The following CELSR1 variants were observed in gnomAD, a reference collection of about 807,000 sequenced individuals.
CELSR1 encodes adhesion G protein-coupled receptor C1.
Under a neutral mutation model 249.1 loss-of-function variants are expected in CELSR1, and 110 were observed. That is an observed-to-expected ratio of 0.44 (90% CI 0.38 to 0.52). The LOEUF is 0.52. CELSR1 is among the 20% of genes least tolerant of loss of function. The pLI is 0.00. For synonymous variants in CELSR1, 2,113 were observed against 1,900.0 expected (o/e 1.11, Z -2.92); for missense variants, 4,109 against 4,296.4 (o/e 0.96, Z 1.22).
At position 46,436,330 on chromosome 22, in the gene CELSR1, CA is replaced by C; in HGVS notation, c.4407-42del. The C allele has an allele frequency of 6.5e-7, 1 of 1,528,888 alleles. No homozygotes were observed. Among genetic ancestry groups the C allele is most frequent in the Non-Finnish European group, 9.1e-7 (1 of 1,104,620 alleles). The allele number at this position is 1,528,888 out of a possible 1,614,324, so 94.7% of individuals were successfully genotyped here. On this transcript the variant is annotated intron_variant, in intron 3 of 34. Transcript: ENST00000674500. The surrounding 1 kb of genome is among the most constrained non-coding windows in gnomAD (Gnocchi z 5.9). ...GAGGCACATCACAGGATGAAGACCC[CA>C]GGGTCCAAAGGCTGCCTAGGAATGA...
rs57411071 is a variant in CELSR1, at chr22:46,467,507, T to TTA, written c.3545-3164_3545-3163dup. ...GCTGCTTTACTTATGCACGAACATGTTATATATATATATATATAGAAAACT... is the reference window on the plus strand; with the variant it reads ...GCTGCTTTACTTATGCACGAACATGTTATATATATATATATATATAGAAAACT... On this transcript the variant is annotated intron_variant, in intron 1 of 34. Coordinates refer to ENST00000674500, the MANE Select transcript of CELSR1 (RefSeq NM_001378328.1). Among the ~76,000 whole-genome samples the TTA allele has an allele frequency of 9.2e-3, 1,375 of 150,134 alleles. 10 individuals carry two copies. Among genetic ancestry groups the TTA allele is most frequent in the Middle Eastern group, 0.028 (8 of 290 alleles).
At position 46,526,312 on chromosome 22, in the gene CELSR1, CCT is replaced by C. The variant is rs1289951187; in HGVS notation, c.3544+7313_3544+7314del. 1.3e-5 allele frequency among the ~76,000 whole-genome samples: 2 copies of C among 152,204 alleles called. No individual in the cohort carries two copies. The highest frequency in any genetic ancestry group is 4.8e-5 in the African/African-American group (2 of 41,450). On this transcript the variant is annotated intron_variant, in intron 1 of 34. Coordinates refer to ENST00000674500, the MANE Select transcript of CELSR1 (RefSeq NM_001378328.1). This position sits in a 1 kb window ranked among gnomAD's most constrained non-coding sequence, Gnocchi z 4.7. ...CCTGACACTGCCCACTCCCAAAGCC[CCT>C]GAGACGGGCCAGTGCCACGCTAGGC...
At chr22:46,485,502 G>A (rs1048225684) in intron 1 of CELSR1, among the ~76,000 whole-genome samples, 5 of 152,238 alleles carry the variant, frequency 3.3e-5, no homozygotes, top group Non-Finnish European at 4.4e-5. Flanking sequence ...GCTGCATGCG[G>A]GGCCGCCAGG....
In CELSR1 at chr22:46,402,199, C is replaced by T. The variant is rs1414315672; in HGVS notation, c.5227-2297G>A. Among the ~76,000 whole-genome samples the T allele has an allele frequency of 2.6e-5, 4 of 152,018 alleles. No individual in the cohort carries two copies. The highest frequency in any genetic ancestry group is 9.7e-5 in the African/African-American group (4 of 41,398). On this transcript the variant is annotated intron_variant, in intron 9 of 34. Coordinates refer to ENST00000674500, the MANE Select transcript of CELSR1 (RefSeq NM_001378328.1). This position sits in a 1 kb window ranked among gnomAD's most constrained non-coding sequence, Gnocchi z 5.0. ...GAAGATAATGACATCCCCATCATCCCCATTCTAGTTTCTCTTTTTCTTTTT... is the reference window on the plus strand; with the variant it reads ...GAAGATAATGACATCCCCATCATCCTCATTCTAGTTTCTCTTTTTCTTTTT...
At chr22:46,497,733 G>C (rs1017962227) in intron 1 of CELSR1, among the ~76,000 whole-genome samples, 30 of 152,122 alleles carry the variant, frequency 2.0e-4, no homozygotes, top group African/African-American at 7.2e-4. Flanking sequence ...GGGGGACACT[G>C]TTCAACCTAC....
chr22:46,458,238 G>C (rs532395314), intron 2 of CELSR1, among the ~76,000 whole-genome samples: 1 of 152,144 alleles, frequency 6.6e-6, no homozygotes, highest in South Asian at 2.1e-4. Context: ...CTGGGGAGCC[G>C]GGGGTGAGGC....
rs2080587531 is a variant in CELSR1 at position 46,512,838 on chromosome 22, T to C, written c.3544+20789A>G. ...CAAGAACCAGGGGCCCCCCACCCTC[T>C]TGTTCCTTCCGGGTCCGGGCTTGTC... On this transcript the variant is annotated intron_variant, in intron 1 of 34. Transcript: ENST00000674500. The surrounding 1 kb of genome is among the most constrained non-coding windows in gnomAD (Gnocchi z 5.2). 6.6e-6 allele frequency among the ~76,000 whole-genome samples: 1 copy of C among 152,176 alleles called. No homozygotes were observed. The highest frequency in any genetic ancestry group is 2.1e-4 in the South Asian group (1 of 4,832).
chr22:46,503,861 G>A (rs1268196484), intron 1 of CELSR1, among the ~76,000 whole-genome samples: 1 of 132,480 alleles, frequency 7.5e-6, no homozygotes, highest in Non-Finnish European at 1.6e-5. Context: ...CAAGACCTCT[G>A]ATAAAAACTA....
chr22:46,389,422 A>G lies in CELSR1; in HGVS notation c.6423T>C (p.Ala2141=), dbSNP rs2147247038. The G allele has an allele frequency of 1.2e-6, 2 of 1,612,774 alleles. No homozygotes were observed. Among genetic ancestry groups the G allele is most frequent in the Non-Finnish European group, 1.7e-6 (2 of 1,179,984 alleles). ...ALQLVRALRS[A]TQHTGTLFGN... is the part of the protein sequence containing the mutation. ...CAAAGAGCGTGCCCGTGTGCTGTGTAGCACTGCGCAGCGCCCTCACCAGCT... is the reference window on the plus strand; with the variant it reads ...CAAAGAGCGTGCCCGTGTGCTGTGTGGCACTGCGCAGCGCCCTCACCAGCT... The change falls in exon 18 of 35, where the codon GCT becomes GCC. Residue 2141 remains alanine (A), a synonymous_variant. Coordinates refer to ENST00000674500, the MANE Select transcript of CELSR1 (RefSeq NM_001378328.1).
At chr22:46,494,841 G>T (rs1311805146) in intron 1 of CELSR1, among the ~76,000 whole-genome samples, 2 of 152,120 alleles carry the variant, frequency 1.3e-5, no homozygotes, top group Admixed American at 6.6e-5. Context: ...ATAGTGTTCT[G>T]CCCATCTTTC....
intron 1 of CELSR1, among the ~76,000 whole-genome samples, chr22:46,528,893 C>A (rs752853692): frequency 6.6e-6 from 1 of 151,214 alleles, no homozygotes; most frequent in Non-Finnish European, 1.5e-5. Context: ...CGCGCCACTG[C>A]ACTCCAGCCT....
In CELSR1 at chr22:46,517,750, G is replaced by A. The variant is rs1409118111; in HGVS notation, c.3544+15877C>T. On this transcript the variant is annotated intron_variant, in intron 1 of 34. Coordinates refer to ENST00000674500, the MANE Select transcript of CELSR1 (RefSeq NM_001378328.1). The surrounding 1 kb of genome is among the most constrained non-coding windows in gnomAD (Gnocchi z 5.4). Reference sequence around the variant, plus strand: ...TATGTGTTAGAATTTTCCATGCTTAGAAGCGAGGGCTGCATTGAAGAGGCG... The same window carrying A: ...TATGTGTTAGAATTTTCCATGCTTAAAAGCGAGGGCTGCATTGAAGAGGCG... 6.6e-6 allele frequency among the ~76,000 whole-genome samples: 1 copy of A among 152,160 alleles called. No homozygotes were observed. Among genetic ancestry groups the A allele is most frequent in the African/African-American group, 2.4e-5 (1 of 41,428 alleles).
At chr22:46,514,090 G>A (rs1318310800) in intron 1 of CELSR1, among the ~76,000 whole-genome samples, 1 of 152,026 alleles carries the variant, frequency 6.6e-6, no homozygotes, top group Non-Finnish European at 1.5e-5. Context: ...ACCGCACCCG[G>A]CCCTCATTTG....
At chr22:46,400,905 T>A (rs1309208787) in intron 9 of CELSR1, among the ~76,000 whole-genome samples, 1 of 151,700 alleles carries the variant, frequency 6.6e-6, no homozygotes, top group East Asian at 1.9e-4. Context: ...TGAGCCTAGG[T>A]AGCACTACTG....
chr22:46,419,059 G>A (rs1015766166), intron 5 of CELSR1, among the ~76,000 whole-genome samples: 4 of 152,276 alleles, frequency 2.6e-5, no homozygotes, highest in East Asian at 1.9e-4. Flanking sequence ...GCAGGGCACC[G>A]TGCCAGCCCC....
intron 1 of CELSR1, among the ~76,000 whole-genome samples, chr22:46,469,626 C>T (rs2080133266): frequency 6.6e-6 from 1 of 152,082 alleles, no homozygotes; most frequent in African/African-American, 2.4e-5. Context: ...AGTGATTCTC[C>T]TGCCTCAGTC....
At chr22:46,364,408 C>G in intron 33 of CELSR1, 104 bp downstream of exon 33, 6 of 1,494,442 alleles carry the variant, frequency 4.0e-6, no homozygotes, top group Non-Finnish European at 5.4e-6. Flanking sequence ...CTGCCCAGGC[C>G]CTGACTTGCC....
intron 25 of CELSR1, 179 bp from the exon 26 acceptor site, chr22:46,369,983 G>T: frequency 3.0e-6 from 2 of 673,482 alleles, no homozygotes; most frequent in South Asian, 1.5e-5. Context: ...TCCGTGTAGG[G>T]TCTCAGGCTC....
At chr22:46,521,623 C>G in intron 1 of CELSR1, among the ~76,000 whole-genome samples, 1 of 152,040 alleles carries the variant, frequency 6.6e-6, no homozygotes, top group Admixed American at 6.6e-5. Flanking sequence ...TCGAGACCAT[C>G]CTGGCCAACA....
Sources: gnomAD v4.1 joint callset for allele counts (sites outside exome capture counted in the v4.1 genomes callset) on GRCh38, gnomAD v4.1.1 for gene constraint, Gnocchi (gnomAD v3.1) non-coding constraint, MANE v1.5 for transcripts, NCBI Gene and HGNC (gene_info 2026-07-23, HGNC 2026-07-21) for gene names.